The following PRKCE variants were observed in gnomAD, a reference collection of about 807,000 sequenced individuals.
PRKCE encodes the protein protein kinase C epsilon, also known as protein kinase C epsilon type.
PRKCE carries 16 observed loss-of-function variants against 85.4 expected under a neutral mutation model. The ratio of observed to expected loss-of-function variants is 0.19; its 90% CI spans 0.13 to 0.28. PRKCE has a LOEUF of 0.28. Ranked by LOEUF, PRKCE falls within the 10% of genes least tolerant of loss-of-function variation. The probability of loss-of-function intolerance (pLI) is 1.00; values close to 1 mark genes in which losing one functional copy is unlikely to be tolerated. For synonymous variants in PRKCE, 388 were observed against 371.5 expected (o/e 1.04, Z -0.51); for missense variants, 573 against 975.2 (o/e 0.59, Z 5.49).
intron 2 of PRKCE, among the ~76,000 whole-genome samples, chr2:45,862,262 G>A (rs145531400): frequency 2.6e-4 from 39 of 151,506 alleles, no homozygotes; most frequent in East Asian, 2.5e-3. Context: ...ATTCTTCATT[G>A]TGTTCCTTCC....
At chr2:45,977,624 G>A (rs1219678385) in intron 3 of PRKCE, among the ~76,000 whole-genome samples, 3 of 148,360 alleles carry the variant, frequency 2.0e-5, no homozygotes, top group Non-Finnish European at 4.5e-5. Context: ...GTGTGACAGA[G>A]TGAGACTCTG....
intron 2 of PRKCE, among the ~76,000 whole-genome samples, chr2:45,900,763 C>T (rs1696515626): frequency 6.6e-6 from 1 of 152,182 alleles, no homozygotes; most frequent in African/African-American, 2.4e-5. Flanking sequence ...ACCATTTTAA[C>T]CACGTTTGTG....
chr2:45,846,469 G>A (rs1000552861), intron 2 of PRKCE, among the ~76,000 whole-genome samples: 3 of 152,118 alleles, frequency 2.0e-5, no homozygotes, highest in Non-Finnish European at 2.9e-5. Flanking sequence ...AGGCCCATTG[G>A]TATGTTTGGA....
intron 1 of PRKCE, among the ~76,000 whole-genome samples, chr2:45,655,023 G>T (rs750993918): frequency 3.9e-5 from 6 of 152,230 alleles, no homozygotes; most frequent in Admixed American, 6.5e-5. Context: ...CTGAAGTAAG[G>T]GGATGTGGAT....
intron 1 of PRKCE, among the ~76,000 whole-genome samples, chr2:45,770,014 A>G (rs1363583102): frequency 1.3e-5 from 2 of 152,222 alleles, no homozygotes; most frequent in African/African-American, 4.8e-5. Context: ...CCAGGTGCAC[A>G]CTCACACAGC....
In PRKCE at chr2:45,905,975, A is replaced by T. The variant is rs1696942071; in HGVS notation, c.412+62912A>T. Among the ~76,000 whole-genome samples, 2 of 152,156 alleles carry T rather than the reference A, an allele frequency of 1.3e-5. No individual in the cohort carries two copies. The highest frequency in any genetic ancestry group is 2.4e-5 in the African/African-American group (1 of 41,446). On this transcript the variant is annotated intron_variant, in intron 2 of 14. Transcript: ENST00000306156. The surrounding 1 kb of genome is among the most constrained non-coding windows in gnomAD (Gnocchi z 4.4). ...GGTGGGCAGGCTATCTTCAGCGGTGATGCGCTTTCAACCCTCCTCCCCTAC... is the reference window on the plus strand; with the variant it reads ...GGTGGGCAGGCTATCTTCAGCGGTGTTGCGCTTTCAACCCTCCTCCCCTAC...
chr2:45,937,571 CAGGCCTGGTGGCGGG>C (rs1377661916), intron 2 of PRKCE, among the ~76,000 whole-genome samples: 1 of 152,058 alleles, frequency 6.6e-6, no homozygotes, highest in Non-Finnish European at 1.5e-5. Flanking sequence ...AAAAATTAGC[CAGGCCTGGTGGCGGG>C]CACCTGTAGT....
rs559882327 is a variant in PRKCE, at chr2:45,987,513, T to A, written c.823+2833T>A. 3.9e-5 allele frequency among the ~76,000 whole-genome samples: 6 copies of A among 152,302 alleles called. No homozygotes were observed. The South Asian group carries it at 1.2e-3, about 32-fold the overall frequency. ...CTTTAATTAAGAAACCTTATTTTTT[T>A]AAGAGCATTTTTAGGTTCACAGCAA... On this transcript the variant is annotated intron_variant, in intron 6 of 14. Transcript: ENST00000306156.
rs1680476856 is a variant in PRKCE, at chr2:46,186,743, A to C, written c.*1862A>C. ...GGAATGTTTTTGATGGTGGTTTCAA[A>C]GCTCGGACAGTAACTATCTTGAGCC... On this transcript the variant is annotated 3_prime_UTR_variant, in exon 15 of 15. Coordinates refer to ENST00000306156, the MANE Select transcript of PRKCE (RefSeq NM_005400.3). The C allele has an allele frequency of 6.6e-6, 1 of 152,632 alleles. No homozygotes were observed. Among genetic ancestry groups the C allele is most frequent in the African/African-American group, 2.4e-5 (1 of 41,444 alleles). 9.5% of individuals were successfully genotyped at this position (152,632 alleles called of 1,614,324 possible).
At chr2:46,010,216 A>T in intron 9 of PRKCE, 128 bp from the exon 10 acceptor site, 1 of 1,073,916 alleles carries the variant, frequency 9.3e-7, no homozygotes, top group African/African-American at 1.6e-5. Flanking sequence ...CCACCACACC[A>T]GGCTTGTTAT....
At position 45,895,350 on chromosome 2, in the gene PRKCE, G is replaced by A. The variant is rs2103650076; in HGVS notation, c.412+52287G>A. 6.6e-6 allele frequency among the ~76,000 whole-genome samples: 1 copy of A among 152,250 alleles called. No individual in the cohort carries two copies. The highest frequency in any genetic ancestry group is 2.1e-4 in the South Asian group (1 of 4,820). On this transcript the variant is annotated intron_variant, in intron 2 of 14. Transcript: ENST00000306156. This position sits in a 1 kb window ranked among gnomAD's most constrained non-coding sequence, Gnocchi z 4.8. Reference sequence around the variant, plus strand: ...TGGACTTAAGGGAGTTTCAGTCGGGGAAGAAAGTGGGACTTTTTCATTAAA... The same window carrying A: ...TGGACTTAAGGGAGTTTCAGTCGGGAAAGAAAGTGGGACTTTTTCATTAAA...
intron 2 of PRKCE, among the ~76,000 whole-genome samples, chr2:45,857,133 T>G (rs981234893): frequency 1.3e-5 from 2 of 152,206 alleles, no homozygotes; most frequent in African/African-American, 4.8e-5. Flanking sequence ...TTGTACTGCT[T>G]TCCATAGTGG....
At chr2:45,843,765 G>C (rs1691553870) in intron 2 of PRKCE, among the ~76,000 whole-genome samples, 1 of 152,208 alleles carries the variant, frequency 6.6e-6, no homozygotes, top group South Asian at 2.1e-4. Flanking sequence ...ACCAACTTAA[G>C]CTCTAAGAAA....
chr2:45,880,613 G>A (rs1374129078), intron 2 of PRKCE, among the ~76,000 whole-genome samples: 1 of 152,016 alleles, frequency 6.6e-6, no homozygotes, highest in South Asian at 2.1e-4. Flanking sequence ...TCCCTGGACA[G>A]CAGTGTAAAA....
chr2:45,935,579 G>C (rs1699384028), intron 2 of PRKCE, among the ~76,000 whole-genome samples: 1 of 152,260 alleles, frequency 6.6e-6, no homozygotes, highest in Non-Finnish European at 1.5e-5. Context: ...TTGAGGCCAG[G>C]AGTTCCAGAC....
At chr2:46,012,042 G>A (rs1229609290) in intron 10 of PRKCE, among the ~76,000 whole-genome samples, 5 of 152,298 alleles carry the variant, frequency 3.3e-5, no homozygotes, top group South Asian at 4.1e-4. Flanking sequence ...TGTGTGTTGT[G>A]TAATGCCTAA....
At chr2:46,015,976 C>T (rs559159100) in intron 10 of PRKCE, among the ~76,000 whole-genome samples, 6 of 152,206 alleles carry the variant, frequency 3.9e-5, no homozygotes, top group African/African-American at 1.4e-4. Flanking sequence ...AATATGCTCG[C>T]CAGTAACAGA....
rs187504537 is a variant in PRKCE at position 45,910,587 on chromosome 2, C to T, written c.413-65842C>T. Among the ~76,000 whole-genome samples, 436 of 152,308 alleles carry T rather than the reference C, an allele frequency of 2.9e-3. 3 individuals are homozygous for T. The highest frequency in any genetic ancestry group is 4.6e-3 in the Non-Finnish European group (313 of 68,020). On this transcript the variant is annotated intron_variant, in intron 2 of 14. Transcript: ENST00000306156. ...TCTTGGTATCTCCAAGCCTTGGTTA[C>T]TTCACACTTCCTAAACAAGTTTGTT... is the stretch of plus-strand genomic sequence containing the variant.
intron 1 of PRKCE, among the ~76,000 whole-genome samples, chr2:45,800,278 C>A (rs12617104): frequency 0.26 from 39,077 of 152,158 alleles, 5,128 homozygotes; most frequent in East Asian, 0.39. Context: ...AAGGACTGAA[C>A]GGGAAAGGCT....
Sources: gnomAD v4.1 joint callset for allele counts (sites outside exome capture counted in the v4.1 genomes callset) on GRCh38, gnomAD v4.1.1 for gene constraint, Gnocchi (gnomAD v3.1) non-coding constraint, MANE v1.5 for transcripts, NCBI Gene and HGNC (gene_info 2026-07-23, HGNC 2026-07-21) for gene names.